The following DEPDC4 variants were observed in gnomAD, a reference collection of about 807,000 sequenced individuals.
DEPDC4 encodes the protein DEP domain-containing protein 4.
A neutral mutation model predicts 52.0 loss-of-function variants in DEPDC4; 52 were observed. That is an observed-to-expected ratio of 1.00 (90% CI 0.80 to 1.26). The LOEUF (loss-of-function observed/expected upper bound fraction) is 1.26. Among genes scored for constraint, DEPDC4 ranks in the 50% most tolerant of loss-of-function variants. The pLI, the probability that DEPDC4 is intolerant of heterozygous loss-of-function variation, is 0.00. For synonymous variants in DEPDC4, 201 were observed against 196.8 expected, an observed-to-expected ratio of 1.02 and a Z score of -0.18; for missense variants, 530 against 546.9, an observed-to-expected ratio of 0.97 and a Z score of 0.31.
Position 100,241,528 on chromosome 12 carries a change from G to A in DEPDC4, c.*364C>T, listed in dbSNP as rs1055926590. On this transcript the variant is annotated 3_prime_UTR_variant, in exon 10 of 10. Coordinates refer to ENST00000550587, the MANE Select transcript of DEPDC4 (RefSeq NM_001364818.2). Reference sequence around the variant, plus strand: ...GCCTGGGCAACATAATAGGACCCCTGTCTCTACAAAATAAAAATAAAAAAT... The same window carrying A: ...GCCTGGGCAACATAATAGGACCCCTATCTCTACAAAATAAAAATAAAAAAT... 2.2e-5 allele frequency: 11 copies of A among 502,954 alleles called. No individual in the cohort carries two copies. Among genetic ancestry groups the A allele is most frequent in the Non-Finnish European group, 2.8e-5 (10 of 358,538 alleles). The allele number at this position is 502,954 out of a possible 1,614,324, so 31.2% of individuals were successfully genotyped here. A position where few individuals can be genotyped will look rare whatever the true frequency, so the allele number is the denominator to read the frequency against.
At chr12:100,233,854 T>C (rs551378548) in intron 9 of DEPDC4, among the ~76,000 whole-genome samples, 2 of 152,172 alleles carry the variant, frequency 1.3e-5, no homozygotes, top group Non-Finnish European at 2.9e-5. Flanking sequence ...ATAAAAGTTA[T>C]ATAAGAAGAA....
At chr12:100,232,885 AAAAAC>A (rs199802902) in intron 9 of DEPDC4, among the ~76,000 whole-genome samples, 10,278 of 152,028 alleles carry the variant, frequency 0.068, 751 homozygotes, top group African/African-American at 0.19. Flanking sequence ...ACTCCATCTC[AAAAAC>A]AAAACAAAAC....
intron 9 of DEPDC4, among the ~76,000 whole-genome samples, chr12:100,235,055 GTA>G (rs934801168): frequency 2.5e-4 from 7 of 27,996 alleles, no homozygotes; most frequent in African/African-American, 7.6e-4. Flanking sequence ...TAGTATGGAT[GTA>G]TGTGTGTGTA....
At chr12:100,232,972 C>T (rs1307365568) in intron 9 of DEPDC4, among the ~76,000 whole-genome samples, 1 of 152,122 alleles carries the variant, frequency 6.6e-6, no homozygotes, top group Non-Finnish European at 1.5e-5. Context: ...AATAGTGTAA[C>T]CTGTGACAGG....
Position 100,267,038 on chromosome 12 carries a change from C to G in DEPDC4, c.39G>C (p.Ala13=), listed in dbSNP as rs755858984. 1 of 1,613,872 alleles carries G rather than the reference C, an allele frequency of 6.2e-7. No homozygotes were observed. The highest frequency in any genetic ancestry group is 1.3e-5 in the African/African-American group (1 of 74,932). The change falls in exon 1 of 10, where the codon GCG becomes GCC. Residue 13 remains alanine, a synonymous_variant. Transcript: ENST00000550587. ...TACGGAACCTCGGAGTCAAAAGAACCGCCATAAGCTCGCGCGCTGGCTCCT... is the reference window on the plus strand; with the variant it reads ...TACGGAACCTCGGAGTCAAAAGAACGGCCATAAGCTCGCGCGCTGGCTCCT... ...PGEEPARELM[A]VLLTPRFRRL... is the part of the protein sequence containing the mutation.
chr12:100,252,354 A>T (rs1379744460), intron 6 of DEPDC4, 40 bp downstream of exon 6: 15 of 1,491,922 alleles, frequency 1.0e-5, no homozygotes, highest in Non-Finnish European at 8.8e-6. Context: ...GGAAAAAAAT[A>T]GCAAAAAAAA....
chr12:100,261,388 C>T (rs1022897197), intron 3 of DEPDC4, among the ~76,000 whole-genome samples: 6 of 152,158 alleles, frequency 3.9e-5, no homozygotes, highest in Admixed American at 6.5e-5. Context: ...TTGTATGTAT[C>T]TCTCCTAACT....
downstream of DEPDC4, among the ~76,000 whole-genome samples, chr12:100,239,545 A>T (rs1400136694): frequency 6.6e-6 from 1 of 152,062 alleles, no homozygotes; most frequent in African/African-American, 2.4e-5. Flanking sequence ...CCCAGCAATT[A>T]AAATTTTTAT....
At chr12:100,263,407 G>A in intron 2 of DEPDC4, 90 bp downstream of exon 2, 1 of 1,119,220 alleles carries the variant, frequency 8.9e-7, no homozygotes, top group Non-Finnish European at 1.2e-6. Flanking sequence ...ATTGGCTTCT[G>A]AAAAAAGTAC....
At chr12:100,255,072 T>C (rs1223874897) in intron 4 of DEPDC4, among the ~76,000 whole-genome samples, 1 of 152,224 alleles carries the variant, frequency 6.6e-6, no homozygotes, top group Non-Finnish European at 1.5e-5. Context: ...TCTTGCCTAA[T>C]ATGTGTGATT....
chr12:100,256,722 A>G (rs1158384745), intron 3 of DEPDC4, among the ~76,000 whole-genome samples: 1 of 151,566 alleles, frequency 6.6e-6, no homozygotes, highest in East Asian at 1.9e-4. Context: ...GCTCACTGCA[A>G]GCTCCGCCTC....
chr12:100,234,980 A>T (rs71464210), intron 9 of DEPDC4, among the ~76,000 whole-genome samples: 22,181 of 152,076 alleles, frequency 0.15, 2,114 homozygotes, highest in Non-Finnish European at 0.21. Context: ...AGTAGAAGTC[A>T]GTTTCTTTGT....
At chr12:100,274,790 G>C in the DEPDC4 span, among the ~76,000 whole-genome samples, 1 of 152,254 alleles carries the variant, frequency 6.6e-6, no homozygotes, top group South Asian at 2.1e-4. Flanking sequence ...TTAGGAAAGA[G>C]TACACCTGGA....
intron 3 of DEPDC4, among the ~76,000 whole-genome samples, chr12:100,259,050 G>A (rs758059364): frequency 2.0e-4 from 30 of 148,052 alleles, no homozygotes; most frequent in African/African-American, 3.3e-4. Flanking sequence ...CAGCCTGGGC[G>A]ACAGGGCAAA....
chr12:100,244,309 T>C (rs988435302), intron 8 of DEPDC4, among the ~76,000 whole-genome samples: 10 of 150,060 alleles, frequency 6.7e-5, no homozygotes, highest in African/African-American at 2.5e-4. Context: ...GCCCCCCGAG[T>C]GGCTGGGACT....
rs149010319 is a variant in DEPDC4 at position 100,263,696 on chromosome 12, T to A, written c.355A>T (p.Lys119Ter). 2 of 1,614,164 alleles carry A rather than the reference T, an allele frequency of 1.2e-6. No homozygotes were observed. The highest frequency in any genetic ancestry group is 2.2e-5 in the South Asian group (2 of 91,084). Residue 119 changes from lysine (K) to a stop codon, truncating the protein, a stop_gained, in exon 2 of 10, where the codon AAA (lysine) becomes TAA (stop). Coordinates refer to ENST00000550587, the MANE Select transcript of DEPDC4 (RefSeq NM_001364818.2). LOFTEE classifies it high-confidence loss of function. ...CLSSNDISCL[K>*]GVHLCQVLMN... ...AGAACTTGGCAAAGATGAACCCCTTTAAGACAAGAGATGTCATTGCTACTT... is the reference window on the plus strand; with the variant it reads ...AGAACTTGGCAAAGATGAACCCCTTAAAGACAAGAGATGTCATTGCTACTT...
At chr12:100,256,495 A>C (rs1022171957) in intron 3 of DEPDC4, among the ~76,000 whole-genome samples, 2 of 152,134 alleles carry the variant, frequency 1.3e-5, no homozygotes, top group Non-Finnish European at 2.9e-5. Flanking sequence ...TAAGGCCAAC[A>C]TTAATTCTAA....
At chr12:100,251,044 A>C (rs2096205482) in intron 7 of DEPDC4, among the ~76,000 whole-genome samples, 1 of 152,154 alleles carries the variant, frequency 6.6e-6, no homozygotes, top group Non-Finnish European at 1.5e-5. Context: ...AAAAAAGTTC[A>C]GTTAAGGTCA....
In DEPDC4 at chr12:100,262,278, C is replaced by A. The variant is rs145497556; in HGVS notation, c.686G>T (p.Arg229Leu). 8.1e-6 allele frequency: 13 copies of A among 1,600,730 alleles called. No homozygotes were observed. In the Admixed American group the frequency reaches 1.6e-4, roughly 20 times the overall value. ...PNITVQKPFL[R>L]LSKEDVWKEQ... is the part of the protein sequence containing the mutation. ...AAACAAATTACCTTCTTTTGAAAGCCGGAGAAAAGGTTTCTGAACTGTGAT... is the reference window on the plus strand; with the variant it reads ...AAACAAATTACCTTCTTTTGAAAGCAGGAGAAAAGGTTTCTGAACTGTGAT... Residue 229 changes from arginine (R) to leucine (L), a missense_variant, in exon 3 of 10, where the codon CGG (arginine) becomes CTG (leucine). By Grantham distance (102) the Arg-to-Leu change is moderately radical. Transcript: ENST00000550587.
Sources: allele counts gnomAD v4.1 joint callset (sites outside exome capture counted in the v4.1 genomes callset), GRCh38; gene constraint gnomAD v4.1.1; transcripts MANE v1.5; gene names NCBI Gene and HGNC (gene_info 2026-07-23, HGNC 2026-07-21).